The following LMO7 variants were observed in gnomAD, a reference collection of about 807,000 sequenced individuals.
LMO7 encodes the protein LIM domain only protein 7.
Under a neutral mutation model 206.5 loss-of-function variants are expected in LMO7, and 120 were observed. The ratio of observed to expected loss-of-function variants is 0.58; its 90% CI spans 0.50 to 0.68. LMO7 has a LOEUF of 0.68. Ranked by LOEUF, LMO7 falls within the 30% of genes least tolerant of loss-of-function variation. The probability of loss-of-function intolerance (pLI) is 0.00; values close to 1 mark genes in which losing one functional copy is unlikely to be tolerated. For synonymous variants in LMO7, 706 were observed against 681.5 expected (o/e 1.04, Z -0.56); for missense variants, 1,959 against 1,957.9 (o/e 1.00, Z -0.01).
rs538303395 is a variant in LMO7, at chr13:75,719,114, G to A, written c.140+5862G>A. ...CCTGCCTCAGCCTCTCGAGTAGCTG[G>A]GACTACAGGCACGCACCACCACGCC... On this transcript the variant is annotated intron_variant, in intron 2 of 30. Transcript: ENST00000377534. Among the ~76,000 whole-genome samples, 97 of 151,870 alleles carry A rather than the reference G, an allele frequency of 6.4e-4. 1 individual carries two copies. Among genetic ancestry groups the A allele is most frequent in the Admixed American group, 1.9e-3 (29 of 15,242 alleles).
intron 3 of LMO7, among the ~76,000 whole-genome samples, chr13:75,746,060 G>T (rs1183544309): frequency 3.9e-5 from 6 of 152,206 alleles, no homozygotes; most frequent in Non-Finnish European, 2.9e-5. Flanking sequence ...AAGGGTCTCT[G>T]TGTGTATTGT....
In LMO7 at chr13:75,777,538, A is replaced by G. The variant is rs771287828; in HGVS notation, c.317+16500A>G. On this transcript the variant is annotated intron_variant, in intron 4 of 30. Coordinates refer to ENST00000377534, the MANE Select transcript of LMO7 (RefSeq NM_001306080.2). ...CTTTTGTGGAAAATACTTTGGTATT[A>G]TAATTCTCTGTAGGATTTGGAAGGT... 2.6e-5 allele frequency among the ~76,000 whole-genome samples: 4 copies of G among 152,198 alleles called. No individual in the cohort carries two copies. The East Asian group carries it at 7.7e-4, about 29-fold the overall frequency.
At chr13:75,679,669 C>T (rs150291481) in intron 1 of LMO7, among the ~76,000 whole-genome samples, 5 of 152,288 alleles carry the variant, frequency 3.3e-5, no homozygotes, top group African/African-American at 1.2e-4. Flanking sequence ...CAGCCTTGAC[C>T]TCCTGGACTT....
At position 75,710,632 on chromosome 13, in the gene LMO7, T is replaced by G. The variant is rs577902953; in HGVS notation, c.70-2550T>G. Among the ~76,000 whole-genome samples the G allele has an allele frequency of 1.7e-3, 263 of 152,002 alleles. 4 individuals are homozygous for G. The highest frequency in any genetic ancestry group is 6.8e-3 in the Middle Eastern group (2 of 294). ...ATTGGTGTATAGGAATGCTTGTGAT[T>G]TTTGCACATTGATTTTGTATCCTGA... On this transcript the variant is annotated intron_variant, in intron 1 of 30. Coordinates refer to ENST00000377534, the MANE Select transcript of LMO7 (RefSeq NM_001306080.2).
upstream of LMO7, chr13:75,632,014 C>G (rs558319394): frequency 3.9e-5 from 6 of 152,270 alleles, no homozygotes; most frequent in South Asian, 1.2e-3. Flanking sequence ...GATTGTACCC[C>G]TTTCTCCCAT....
At chr13:75,848,658 T>C (rs1434492530) in intron 26 of LMO7, among the ~76,000 whole-genome samples, 1 of 151,774 alleles carries the variant, frequency 6.6e-6, no homozygotes, top group Non-Finnish European at 1.5e-5. Context: ...CATTCATTGA[T>C]TGATGGGCAT....
At chr13:75,715,934 G>A (rs897497380) in intron 2 of LMO7, among the ~76,000 whole-genome samples, 1 of 152,100 alleles carries the variant, frequency 6.6e-6, no homozygotes, top group Non-Finnish European at 1.5e-5. Context: ...CTGTCTTTGA[G>A]GATATTTTAC....
intron 2 of LMO7, among the ~76,000 whole-genome samples, chr13:75,624,528 C>T (rs2033773262): frequency 6.6e-6 from 1 of 152,136 alleles, no homozygotes; most frequent in Non-Finnish European, 1.5e-5. Flanking sequence ...GAAACCCCAC[C>T]TGTATTAGTC....
chr13:75,823,201 T>C (rs1284610323), intron 14 of LMO7, among the ~76,000 whole-genome samples: 1 of 152,170 alleles, frequency 6.6e-6, no homozygotes, highest in Non-Finnish European at 1.5e-5. Context: ...TGAACTTGTT[T>C]AGAGGTTAGA....
At chr13:75,736,687 G>C (rs1198835433) in intron 3 of LMO7, among the ~76,000 whole-genome samples, 1 of 152,214 alleles carries the variant, frequency 6.6e-6, no homozygotes, top group Non-Finnish European at 1.5e-5. Flanking sequence ...ATGTGCCACA[G>C]AGCATTACAG....
intron 15 of LMO7, among the ~76,000 whole-genome samples, chr13:75,830,771 A>G (rs1271513581): frequency 6.6e-6 from 1 of 152,204 alleles, no homozygotes; most frequent in Admixed American, 6.5e-5. Context: ...GCTTAAGCTC[A>G]TTCTCTTTGA....
intron 6 of LMO7, among the ~76,000 whole-genome samples, chr13:75,797,884 A>AGTACTATG (rs1206374318): frequency 0.01 from 1,568 of 152,332 alleles, 31 homozygotes; most frequent in African/African-American, 0.033. Context: ...ATGCATACAC[A>AGTACTATG]TAGTACTAAG....
intron 4 of LMO7, among the ~76,000 whole-genome samples, chr13:75,777,868 A>T (rs975867648): frequency 6.6e-6 from 1 of 151,970 alleles, no homozygotes; most frequent in South Asian, 2.1e-4. Flanking sequence ...GATGGTCTCG[A>T]TCTCCTGACC....
At chr13:75,632,862 G>GTTTTTTT (rs10690832), upstream of LMO7, among the ~76,000 whole-genome samples, 735 of 102,118 alleles carry the variant, frequency 7.2e-3, 82 homozygotes, top group African/African-American at 0.023. Context: ...TTACTTAAAA[G>GTTTTTTT]TTTTTTTTTT....
chr13:75,821,304 G>T lies in LMO7; in HGVS notation c.2335G>T (p.Val779Leu), dbSNP rs753210635. The T allele has an allele frequency of 6.2e-7, 1 of 1,614,156 alleles. No individual in the cohort carries two copies. Among genetic ancestry groups the T allele is most frequent in the South Asian group, 1.1e-5 (1 of 91,084 alleles). Residue 779 changes from valine to leucine, a missense_variant, in exon 14 of 31, where the codon GTA becomes TTA. Transcript: ENST00000377534. ...AGAAGCAAGTTACCAGAGTGAGAGA[G>T]TAGAAGAGAAGGGAGCAACTTATCC... ...VSEASYQSER[V>L]EEKGATYPSE...
chr13:75,683,079 G>A (rs201838636), intron 1 of LMO7, among the ~76,000 whole-genome samples: 1 of 83,396 alleles, frequency 1.2e-5, no homozygotes, highest in Non-Finnish European at 2.4e-5. Flanking sequence ...TTTTTTTTTT[G>A]AGATGGAGTT....
At chr13:75,809,839 T>G (rs1331569959) in intron 11 of LMO7, among the ~76,000 whole-genome samples, 1 of 149,264 alleles carries the variant, frequency 6.7e-6, no homozygotes, top group Non-Finnish European at 1.5e-5. Flanking sequence ...TTTTTTTTTT[T>G]TTTTTTTTTT....
chr13:75,744,040 C>T (rs2046633828), intron 3 of LMO7, among the ~76,000 whole-genome samples: 2 of 152,102 alleles, frequency 1.3e-5, no homozygotes, highest in African/African-American at 4.8e-5. Context: ...ATAACAAATA[C>T]TTGACAGTAA....
intron 4 of LMO7, among the ~76,000 whole-genome samples, chr13:75,768,973 T>C (rs1359113329): frequency 1.3e-5 from 2 of 152,104 alleles, no homozygotes; most frequent in Non-Finnish European, 2.9e-5. Context: ...CATTAAAAAA[T>C]TATAAATAGC....
Sources: allele counts gnomAD v4.1 joint callset (sites outside exome capture counted in the v4.1 genomes callset), GRCh38; gene constraint gnomAD v4.1.1; transcripts MANE v1.5; gene names NCBI Gene and HGNC (gene_info 2026-07-23, HGNC 2026-07-21).